Variants in AIG1 observed in about 807,000 individuals in gnomAD.
AIG1 encodes the protein androgen-induced gene 1 protein.
Under a neutral mutation model 31.4 loss-of-function variants are expected in AIG1, and 23 were observed. That is an observed-to-expected ratio of 0.73 (90% CI 0.53 to 1.04). The LOEUF (loss-of-function observed/expected upper bound fraction) is 1.04, where lower values mean the gene tolerates loss of function less well. Ranked by LOEUF, AIG1 falls within the 50% of genes least tolerant of loss-of-function variation. The pLI is 0.00. For missense variants in AIG1, 274 were observed against 295.0 expected (o/e 0.93, Z 0.52); for synonymous variants, 100 against 110.5 (o/e 0.90, Z 0.60).
rs1776959028 is a variant in AIG1 at position 143,330,200 on chromosome 6, T to G, written c.516-3082T>G. ...AGCAATGAACATAATTGGACAAAAT[T>G]CCTTTGCTCATTGAATAGACAATAA... On this transcript the variant is annotated intron_variant, in intron 4 of 5. Transcript: ENST00000357847. This position sits in a 1 kb window ranked among gnomAD's most constrained non-coding sequence, Gnocchi z 4.4. Among the ~76,000 whole-genome samples the G allele has an allele frequency of 1.3e-5, 2 of 152,158 alleles. No homozygotes were observed. The highest frequency in any genetic ancestry group is 1.3e-4 in the Admixed American group (2 of 15,272).
At chr6:143,215,299 T>C (rs113428537) in intron 3 of AIG1, among the ~76,000 whole-genome samples, 2,378 of 152,244 alleles carry the variant, frequency 0.016, 79 homozygotes, top group African/African-American at 0.054. Flanking sequence ...CTGATACTCA[T>C]GAGGTCACTA....
intron 2 of AIG1, among the ~76,000 whole-genome samples, chr6:143,141,743 C>G (rs1233297491): frequency 2.6e-5 from 4 of 152,098 alleles, no homozygotes; most frequent in Admixed American, 6.5e-5. Context: ...ACAAATAATT[C>G]TATGACATTA....
At chr6:143,257,099 G>T (rs1020142930) in intron 3 of AIG1, among the ~76,000 whole-genome samples, 1 of 152,110 alleles carries the variant, frequency 6.6e-6, no homozygotes, top group African/African-American at 2.4e-5. Context: ...AAGGAATCAC[G>T]TCAAAGCTCC....
chr6:143,060,591 C>T (rs1379478094), upstream of AIG1: 16 of 443,494 alleles, frequency 3.6e-5, no homozygotes, highest in Non-Finnish European at 6.6e-5. Flanking sequence ...CCTGGGATGC[C>T]TAGGGGGCGC....
In AIG1 at chr6:143,333,755, C is replaced by T. The variant is rs1777269082; in HGVS notation, c.679+310C>T. Among the ~76,000 whole-genome samples the T allele has an allele frequency of 6.6e-6, 1 of 152,140 alleles. No individual in the cohort carries two copies. Among genetic ancestry groups the T allele is most frequent in the Non-Finnish European group, 1.5e-5 (1 of 68,026 alleles). ...AATATATATTAGGGAAATTTGTCCT[C>T]ATTAACAACACAATGCTGCCTTAGT... is the stretch of plus-strand genomic sequence containing the variant. On this transcript the variant is annotated intron_variant, in intron 5 of 5. Transcript: ENST00000357847. This position sits in a 1 kb window ranked among gnomAD's most constrained non-coding sequence, Gnocchi z 4.6.
At chr6:143,242,800 C>G (rs1794333846) in intron 3 of AIG1, among the ~76,000 whole-genome samples, 1 of 152,192 alleles carries the variant, frequency 6.6e-6, no homozygotes, top group Non-Finnish European at 1.5e-5. Context: ...AAAACACTTC[C>G]ATTTTTTACA....
At position 143,297,349 on chromosome 6, in the gene AIG1, T is replaced by C. The variant is rs1007060272; in HGVS notation, c.515+13124T>C. On this transcript the variant is annotated intron_variant, in intron 4 of 5. Coordinates refer to ENST00000357847, the MANE Select transcript of AIG1 (RefSeq NM_016108.4). The surrounding 1 kb of genome is among the most constrained non-coding windows in gnomAD (Gnocchi z 5.1). ...TTTTGCCCTCCTCCTGTCACTGCAA[T>C]ATATATTCCACCTCAACTCTCCCCA... Among the ~76,000 whole-genome samples the C allele has an allele frequency of 3.9e-5, 6 of 152,194 alleles. No individual in the cohort carries two copies. Among genetic ancestry groups the C allele is most frequent in the African/African-American group, 1.2e-4 (5 of 41,438 alleles).
At chr6:143,254,891 T>C (rs1362526004) in intron 3 of AIG1, among the ~76,000 whole-genome samples, 1 of 151,980 alleles carries the variant, frequency 6.6e-6, no homozygotes, top group Non-Finnish European at 1.5e-5. Context: ...CATGGTGGTG[T>C]GTGGTAGTGG....
In AIG1 at chr6:143,258,963, C is replaced by A. The variant is rs886187617; in HGVS notation, c.400-25147C>A. ...AAACCATAGCAGAGGTCAACAGAGA[C>A]CTTGGCAAAACCATTTCCAGCAGAT... is the stretch of plus-strand genomic sequence containing the variant. On this transcript the variant is annotated intron_variant, in intron 3 of 5. Coordinates refer to ENST00000357847, the MANE Select transcript of AIG1 (RefSeq NM_016108.4). The surrounding 1 kb of genome is among the most constrained non-coding windows in gnomAD (Gnocchi z 4.7). Among the ~76,000 whole-genome samples the A allele has an allele frequency of 1.3e-5, 2 of 152,166 alleles. No homozygotes were observed. Among genetic ancestry groups the A allele is most frequent in the Non-Finnish European group, 2.9e-5 (2 of 68,020 alleles).
chr6:143,259,553 A>T (rs543929161), intron 3 of AIG1, among the ~76,000 whole-genome samples: 38 of 152,262 alleles, frequency 2.5e-4, no homozygotes, highest in African/African-American at 8.4e-4. Flanking sequence ...CTTTCTTTTA[A>T]ATGAGCGTAT....
chr6:143,109,119 T>A (rs1781057571), intron 1 of AIG1, among the ~76,000 whole-genome samples: 1 of 152,226 alleles, frequency 6.6e-6, no homozygotes, highest in Admixed American at 6.5e-5. Context: ...TGCTGTTTTT[T>A]TTTCCCCTAG....
intron 2 of AIG1, 38 bp from the exon 3 acceptor site, chr6:143,165,044 C>A: frequency 6.9e-7 from 1 of 1,444,368 alleles, no homozygotes; most frequent in South Asian, 1.2e-5. Flanking sequence ...TGTGGATAGT[C>A]GATGAACTTG....
chr6:143,343,478 T>C (rs1485700598), downstream of AIG1: 10 of 272,740 alleles, frequency 3.7e-5, no homozygotes, highest in East Asian at 7.6e-4. Flanking sequence ...CGTTCCCGCC[T>C]GGAAGACGCC....
Position 143,284,217 on chromosome 6 carries a change from T to C in AIG1, c.507T>C (p.Tyr169=). ...CCATATGTACCTTCTCTGTTGGCTA[T>C]ATATTATGGTAAGGACCATGCCTGC... ...LTAICTFSVG[Y]ILWVCWVHHV... The change falls in exon 4 of 6, where the codon TAT becomes TAC. Residue 169 remains tyrosine, a synonymous_variant. Coordinates refer to ENST00000357847, the MANE Select transcript of AIG1 (RefSeq NM_016108.4). The surrounding 1 kb of genome is among the most constrained non-coding windows in gnomAD (Gnocchi z 4.4). 3 of 1,609,306 alleles carry C rather than the reference T, an allele frequency of 1.9e-6. No homozygotes were observed. The highest frequency in any genetic ancestry group is 2.6e-6 in the Non-Finnish European group (3 of 1,176,010).
At chr6:143,335,814 G>A (rs976744970) in intron 5 of AIG1, among the ~76,000 whole-genome samples, 1 of 151,768 alleles carries the variant, frequency 6.6e-6, no homozygotes, top group Non-Finnish European at 1.5e-5. Context: ...AATGAGCCGG[G>A]CGTACATGCC....
intron 4 of AIG1, among the ~76,000 whole-genome samples, chr6:143,305,218 C>T (rs1246630646): frequency 6.6e-6 from 1 of 152,090 alleles, no homozygotes; most frequent in Non-Finnish European, 1.5e-5. Flanking sequence ...TTTTGTGTCT[C>T]TGTTTCCTTC....
intron 3 of AIG1, among the ~76,000 whole-genome samples, chr6:143,182,028 T>C (rs9386025): frequency 0.52 from 77,987 of 151,380 alleles, 20,281 homozygotes; most frequent in Admixed American, 0.64. Context: ...TTTTTCTTTT[T>C]TTTCTTTTTA....
chr6:143,233,579 CAAA>C (rs67282019), intron 3 of AIG1, among the ~76,000 whole-genome samples: 2 of 123,624 alleles, frequency 1.6e-5, no homozygotes, highest in Non-Finnish European at 1.7e-5. Context: ...ATTTATGGAC[CAAA>C]AAAAAAAAAG....
chr6:143,134,975 T>C (rs946638935), intron 1 of AIG1, among the ~76,000 whole-genome samples: 5 of 152,100 alleles, frequency 3.3e-5, no homozygotes, highest in African/African-American at 1.2e-4. Context: ...ATTTTCAGTT[T>C]ACTATGAGTT....
Sources: allele counts gnomAD v4.1 joint callset (sites outside exome capture counted in the v4.1 genomes callset), GRCh38; gene constraint gnomAD v4.1.1; non-coding constraint Gnocchi (gnomAD v3.1); transcripts MANE v1.5; gene names NCBI Gene and HGNC (gene_info 2026-07-23, HGNC 2026-07-21).